The following IGSF11 variants were observed in gnomAD, a reference collection of about 807,000 sequenced individuals.
IGSF11 encodes CXADR like 1.
IGSF11 carries 22 observed loss-of-function variants against 41.0 expected under a neutral mutation model. The observed-to-expected ratio is 0.54, with a 90% CI of 0.38 to 0.77. IGSF11 has a LOEUF of 0.77. Ranked by LOEUF, IGSF11 falls within the 30% of genes least tolerant of loss-of-function variation. IGSF11 has a pLI of 0.00. For synonymous variants in IGSF11, 219 were observed against 201.3 expected, an observed-to-expected ratio of 1.09 and a Z score of -0.74; for missense variants, 444 against 530.8, an observed-to-expected ratio of 0.84 and a Z score of 1.61.
At chr3:118,949,099 C>T (rs1430119464) in intron 1 of IGSF11, 1 of 151,936 alleles carries the variant, frequency 6.6e-6, no homozygotes, top group African/African-American at 2.4e-5. Flanking sequence ...GGATACTCTT[C>T]GGCCCTGGTT....
intron 1 of IGSF11, among the ~76,000 whole-genome samples, chr3:118,943,764 T>C (rs1559936635): frequency 6.6e-6 from 1 of 152,230 alleles, no homozygotes; most frequent in Non-Finnish European, 1.5e-5. Flanking sequence ...TGGGAAATGC[T>C]ATCTAGAGTT....
chr3:119,059,675 A>C (rs1257303437), intron 1 of IGSF11, among the ~76,000 whole-genome samples: 1 of 152,000 alleles, frequency 6.6e-6, no homozygotes, highest in Non-Finnish European at 1.5e-5. Context: ...TTAACTGCCA[A>C]GCTTTTTTTT....
At chr3:119,109,328 G>A (rs574134512), upstream of IGSF11, among the ~76,000 whole-genome samples, 99 of 151,808 alleles carry the variant, frequency 6.5e-4, no homozygotes, top group African/African-American at 2.3e-3. Flanking sequence ...GAGAGTGTAT[G>A]TGTCGAGGAA....
intron 1 of IGSF11, among the ~76,000 whole-genome samples, chr3:119,047,790 A>G (rs1941429800): frequency 6.6e-6 from 1 of 152,134 alleles, no homozygotes; most frequent in Non-Finnish European, 1.5e-5. Context: ...AAATTATAAC[A>G]AACTATCTCT....
Position 118,930,231 on chromosome 3 carries a change from G to T in IGSF11, c.97C>A (p.Gln33Lys). 1 of 1,613,916 alleles carries T rather than the reference G, an allele frequency of 6.2e-7. No individual in the cohort carries two copies. Among genetic ancestry groups the T allele is most frequent in the South Asian group, 1.1e-5 (1 of 91,048 alleles). ...LEVSESPGSI[Q>K]VARGQPAVLP... ...ACTGCTGGCTGACCCCGGGCCACCTGGATACTCCCAGGGCTCTCTGACACT... is the reference window on the plus strand; with the variant it reads ...ACTGCTGGCTGACCCCGGGCCACCTTGATACTCCCAGGGCTCTCTGACACT... The change falls in exon 2 of 7, where the codon CAG becomes AAG. Residue 33 changes from glutamine (Q) to lysine (K), a missense_variant. Gln to Lys is a moderately conservative substitution (Grantham distance 53, BLOSUM62 1). Coordinates refer to ENST00000393775, the MANE Select transcript of IGSF11 (RefSeq NM_001015887.3).
Position 118,902,447 on chromosome 3 carries a change from T to TCCCCCCCCCCCCC in IGSF11, c.*72_*73insGGGGGGGGGGGGG. On this transcript the variant is annotated 3_prime_UTR_variant, in exon 7 of 7. Coordinates refer to ENST00000393775, the MANE Select transcript of IGSF11 (RefSeq NM_001015887.3). ...TAAGGAAGTGTTTCTTTCCCAGCAC[T>TCCCCCCCCCCCCC]CCCCACCCCACCCTCCCCCTTGTAT... The TCCCCCCCCCCCCC allele has an allele frequency of 3.5e-6, 2 of 563,916 alleles. No homozygotes were observed. Among genetic ancestry groups the TCCCCCCCCCCCCC allele is most frequent in the East Asian group, 3.2e-5 (1 of 31,444 alleles). The allele number at this position is 563,916 out of a possible 1,614,324, so 34.9% of individuals were successfully genotyped here. A position where few individuals can be genotyped will look rare whatever the true frequency, so the allele number is the denominator to read the frequency against.
chr3:119,046,754 T>C (rs148206502), intron 1 of IGSF11, among the ~76,000 whole-genome samples: 3 of 152,082 alleles, frequency 2.0e-5, no homozygotes, highest in African/African-American at 7.3e-5. Flanking sequence ...GAGAAAGGTC[T>C]GGTTACCCTC....
chr3:118,938,576 A>G (rs549287795), intron 1 of IGSF11, among the ~76,000 whole-genome samples: 4 of 152,194 alleles, frequency 2.6e-5, no homozygotes, highest in African/African-American at 9.6e-5. Context: ...ACATGCTACT[A>G]TGATTGCTAC....
intron 1 of IGSF11, among the ~76,000 whole-genome samples, chr3:119,078,949 C>G (rs2076545524): frequency 6.6e-6 from 1 of 152,138 alleles, no homozygotes; most frequent in Admixed American, 6.5e-5. Context: ...AGAAGACATA[C>G]AAGTGGCCAA....
At chr3:119,110,192 T>C (rs2077123674), upstream of IGSF11, among the ~76,000 whole-genome samples, 1 of 152,174 alleles carries the variant, frequency 6.6e-6, no homozygotes, top group Non-Finnish European at 1.5e-5. Context: ...CAGTGGGGTG[T>C]TAAAGTCTCC....
At chr3:119,042,828 A>G (rs1941172114) in intron 1 of IGSF11, among the ~76,000 whole-genome samples, 1 of 152,114 alleles carries the variant, frequency 6.6e-6, no homozygotes, top group Non-Finnish European at 1.5e-5. Context: ...CTCTCTTGAA[A>G]ACACCACCTC....
chr3:118,997,880 T>C (rs1178474866), intron 1 of IGSF11, among the ~76,000 whole-genome samples: 3 of 152,190 alleles, frequency 2.0e-5, no homozygotes, highest in African/African-American at 2.4e-5. Flanking sequence ...GTACTGTTCA[T>C]GGCAAATGCT....
chr3:118,934,277 T>A (rs1197954118), intron 1 of IGSF11, among the ~76,000 whole-genome samples: 23 of 152,186 alleles, frequency 1.5e-4, no homozygotes, highest in Non-Finnish European at 1.5e-5. Flanking sequence ...GTAATCATTC[T>A]TGGACTCTGG....
At position 118,921,704 on chromosome 3, in the gene IGSF11, A is replaced by G. The variant is rs564721025; in HGVS notation, c.580+4397T>C. On this transcript the variant is annotated intron_variant, in intron 4 of 6. Coordinates refer to ENST00000393775, the MANE Select transcript of IGSF11 (RefSeq NM_001015887.3). The stretch of plus-strand genomic sequence containing the variant: ...TATGTCCACTGTCTCCAGAACTTAC[A>G]CTCTTACATACATTATTCTGTTTTT... Among the ~76,000 whole-genome samples the G allele has an allele frequency of 2.6e-5, 4 of 152,110 alleles. No individual in the cohort carries two copies. In the East Asian group the frequency reaches 5.8e-4, roughly 22 times the overall value.
chr3:119,135,528 G>A (rs1180040249), intron 1 of IGSF11, among the ~76,000 whole-genome samples: 3 of 152,160 alleles, frequency 2.0e-5, no homozygotes, highest in Non-Finnish European at 2.9e-5. Context: ...ATCTCACGCA[G>A]GTTAGAATGG....
chr3:118,980,761 A>G (rs554055660), intron 1 of IGSF11, among the ~76,000 whole-genome samples: 2 of 152,366 alleles, frequency 1.3e-5, no homozygotes, highest in African/African-American at 4.8e-5. Context: ...TTACACATCT[A>G]TGCATGTAAC....
At chr3:119,041,475 C>T (rs917486995) in intron 1 of IGSF11, among the ~76,000 whole-genome samples, 3 of 152,096 alleles carry the variant, frequency 2.0e-5, no homozygotes, top group African/African-American at 7.2e-5. Flanking sequence ...CCAGCTACTA[C>T]TCTGAAGGCT....
chr3:118,911,279 A>C (rs1477043377), intron 4 of IGSF11, among the ~76,000 whole-genome samples: 1 of 152,222 alleles, frequency 6.6e-6, no homozygotes, highest in Non-Finnish European at 1.5e-5. Context: ...AAAAAACTCA[A>C]CTTCAGTTAG....
intron 1 of IGSF11, among the ~76,000 whole-genome samples, chr3:118,973,939 T>G (rs1257253168): frequency 6.6e-6 from 1 of 151,870 alleles, no homozygotes; most frequent in African/African-American, 2.4e-5. Context: ...CAACACACAC[T>G]GGGGCTTGTC....
Sources: allele counts gnomAD v4.1 joint callset (sites outside exome capture counted in the v4.1 genomes callset), GRCh38; gene constraint gnomAD v4.1.1; transcripts MANE v1.5; gene names NCBI Gene and HGNC (gene_info 2026-07-23, HGNC 2026-07-21).